The following USP6NL variants were observed in gnomAD, a reference collection of about 807,000 sequenced individuals.
USP6NL encodes USP6 N-terminal-like protein.
A neutral mutation model predicts 61.9 loss-of-function variants in USP6NL; 26 were observed. The observed-to-expected ratio is 0.42, with a 90% confidence interval of 0.31 to 0.58. USP6NL has a LOEUF of 0.58. Ranked by LOEUF, USP6NL falls within the 20% of genes least tolerant of loss-of-function variation. USP6NL has a pLI of 0.16. For synonymous variants in USP6NL, 432 were observed against 390.1 expected, an observed-to-expected ratio of 1.11 and a Z score of -1.27; for missense variants, 1,114 against 1,034.3, an observed-to-expected ratio of 1.08 and a Z score of -1.06.
intron 2 of USP6NL, among the ~76,000 whole-genome samples, chr10:11,582,527 C>T (rs763127019): frequency 6.6e-6 from 1 of 152,172 alleles, no homozygotes; most frequent in Non-Finnish European, 1.5e-5. Context: ...TCATTGACAA[C>T]TTGAAATTGT....
chr10:11,493,304 C>A, intron 7 of USP6NL, 76 bp from the exon 8 acceptor site: 1 of 1,299,648 alleles, frequency 7.7e-7, no homozygotes, highest in South Asian at 1.4e-5. Context: ...AATAATAATT[C>A]TCATTAAAAA....
intron 14 of USP6NL, among the ~76,000 whole-genome samples, chr10:11,479,440 A>C (rs1833098968): frequency 6.6e-6 from 1 of 152,352 alleles, no homozygotes; most frequent in Admixed American, 6.5e-5. Context: ...TAAACATTTT[A>C]AAATGTAACA....
In USP6NL at chr10:11,585,895, A is replaced by C. The variant is rs1377629004; in HGVS notation, c.4+11736T>G. 2.0e-5 allele frequency among the ~76,000 whole-genome samples: 3 copies of C among 152,208 alleles called. No homozygotes were observed. The highest frequency in any genetic ancestry group is 4.4e-5 in the Non-Finnish European group (3 of 68,026). The stretch of plus-strand genomic sequence containing the variant: ...ATACAAATACTGAATGATTCCACTT[A>C]CATGAGGTACCTAGAGGTCAGAGGC... On this transcript the variant is annotated intron_variant, in intron 2 of 14. Transcript: ENST00000609104. The surrounding 1 kb of genome is among the most constrained non-coding windows in gnomAD (Gnocchi z 4.5).
chr10:11,575,809 A>T lies in USP6NL; in HGVS notation c.4+21822T>A, dbSNP rs1461751942. ...ACTCTTTAAAATGCCAAAGTCATAGAAGACAAAGACAGACTGAGAAAGTGT... is the reference window on the plus strand; with the variant it reads ...ACTCTTTAAAATGCCAAAGTCATAGTAGACAAAGACAGACTGAGAAAGTGT... On this transcript the variant is annotated intron_variant, in intron 2 of 14. Transcript: ENST00000609104. This position sits in a 1 kb window ranked among gnomAD's most constrained non-coding sequence, Gnocchi z 4.2. Among the ~76,000 whole-genome samples the T allele has an allele frequency of 6.6e-6, 1 of 152,248 alleles. No homozygotes were observed. The highest frequency in any genetic ancestry group is 1.5e-5 in the Non-Finnish European group (1 of 68,040).
chr10:11,471,823 T>C (rs1286662903), intron 14 of USP6NL, among the ~76,000 whole-genome samples: 1 of 90,216 alleles, frequency 1.1e-5, no homozygotes, highest in Non-Finnish European at 2.2e-5. Context: ...CCGAGGCCTG[T>C]TGTGGGGTGG....
intron 14 of USP6NL, among the ~76,000 whole-genome samples, chr10:11,477,645 G>A (rs1236928478): frequency 6.6e-6 from 1 of 152,158 alleles, no homozygotes; most frequent in African/African-American, 2.4e-5. Flanking sequence ...AGACGTTTTG[G>A]TTAACTGCAA....
At chr10:11,514,348 G>GT (rs202247355) in intron 5 of USP6NL, among the ~76,000 whole-genome samples, 248 of 151,140 alleles carry the variant, frequency 1.6e-3, no homozygotes, top group Admixed American at 3.8e-3. Context: ...TGGTGTTTGG[G>GT]TTTTTTTTTC....
chr10:11,498,453 T>G (rs1050864060), intron 7 of USP6NL, among the ~76,000 whole-genome samples: 1 of 151,670 alleles, frequency 6.6e-6, no homozygotes, highest in Non-Finnish European at 1.5e-5. Context: ...ACAGCTTGGA[T>G]AGTAAATCCT....
rs1219702086 is a variant in USP6NL, at chr10:11,499,057, T to G, written c.384+2044A>C. 6.6e-6 allele frequency among the ~76,000 whole-genome samples: 1 copy of G among 152,202 alleles called. No individual in the cohort carries two copies. Among genetic ancestry groups the G allele is most frequent in the Non-Finnish European group, 1.5e-5 (1 of 68,024 alleles). ...AGGCCACCAGGGGAACTTGAAGGAC[T>G]GAATGCTGATAATATGCTGGGTCCA... On this transcript the variant is annotated intron_variant, in intron 7 of 14. Transcript: ENST00000609104. This position sits in a 1 kb window ranked among gnomAD's most constrained non-coding sequence, Gnocchi z 4.5.
In USP6NL at chr10:11,543,803, GT is replaced by G. The variant is rs781443038; in HGVS notation, c.5-16237del. ...TCTGGGGATCCTGAAAAATATTTAG[GT>G]TTTTTTTTTTTTTTTTTTTTTTTTT... On this transcript the variant is annotated intron_variant, in intron 2 of 14. Coordinates refer to ENST00000609104, the MANE Select transcript of USP6NL (RefSeq NM_014688.5). Among the ~76,000 whole-genome samples, 332 of 76,368 alleles carry G rather than the reference GT, an allele frequency of 4.3e-3. 1 individual carries two copies. Among genetic ancestry groups the G allele is most frequent in the African/African-American group, 0.012 (276 of 22,178 alleles). 50.1% of individuals were successfully genotyped at this position (76,368 alleles called of 152,430 possible).
chr10:11,568,318 G>C (rs902362051), intron 2 of USP6NL, among the ~76,000 whole-genome samples: 1 of 152,116 alleles, frequency 6.6e-6, no homozygotes, highest in African/African-American at 2.4e-5. Context: ...TAAGATCTTA[G>C]AGAACATCTA....
chr10:11,563,019 A>T (rs1836999090), intron 2 of USP6NL, among the ~76,000 whole-genome samples: 1 of 152,000 alleles, frequency 6.6e-6, no homozygotes, highest in African/African-American at 2.4e-5. Flanking sequence ...AAATAAAATA[A>T]ATAAAAAACT....
chr10:11,603,240 C>T (rs1838605040), intron 1 of USP6NL, among the ~76,000 whole-genome samples: 1 of 152,138 alleles, frequency 6.6e-6, no homozygotes, highest in Non-Finnish European at 1.5e-5. Flanking sequence ...TCCAGACAGA[C>T]TTATCAAATC....
intron 2 of USP6NL, among the ~76,000 whole-genome samples, chr10:11,594,791 G>T (rs1838273528): frequency 6.6e-6 from 1 of 152,182 alleles, no homozygotes; most frequent in South Asian, 2.1e-4. Context: ...AACACCCAAG[G>T]TAGTGCAATA....
At chr10:11,535,823 T>C (rs1359303971) in intron 2 of USP6NL, among the ~76,000 whole-genome samples, 2 of 152,352 alleles carry the variant, frequency 1.3e-5, no homozygotes, top group South Asian at 2.1e-4. Flanking sequence ...TTTTTAAATG[T>C]TGAAATCTTA....
intron 8 of USP6NL, among the ~76,000 whole-genome samples, chr10:11,492,061 CCA>C (rs773220792): frequency 1.3e-5 from 2 of 152,152 alleles, no homozygotes; most frequent in Non-Finnish European, 2.9e-5. Flanking sequence ...CAGCTTTATA[CCA>C]CAGTGTGTAA....
In USP6NL at chr10:11,478,129, T is replaced by C. The variant is rs565193616; in HGVS notation, c.1078+3641A>G. Reference sequence around the variant, plus strand: ...CCAGTTAGAAAGAAATGGAAGAAAATCTTCAACTTGCAATAGCAATAAAAG... The same window carrying C: ...CCAGTTAGAAAGAAATGGAAGAAAACCTTCAACTTGCAATAGCAATAAAAG... On this transcript the variant is annotated intron_variant, in intron 14 of 14. Transcript: ENST00000609104. This position sits in a 1 kb window ranked among gnomAD's most constrained non-coding sequence, Gnocchi z 6.8. Among the ~76,000 whole-genome samples the C allele has an allele frequency of 2.0e-5, 3 of 152,154 alleles. No individual in the cohort carries two copies. In the South Asian group the frequency reaches 6.2e-4, roughly 32 times the overall value.
At chr10:11,590,119 G>T (rs1838112945) in intron 2 of USP6NL, among the ~76,000 whole-genome samples, 1 of 152,198 alleles carries the variant, frequency 6.6e-6, no homozygotes, top group Admixed American at 6.5e-5. Flanking sequence ...CTTAAAAGTA[G>T]GAGTGGGAGA....
intron 2 of USP6NL, among the ~76,000 whole-genome samples, chr10:11,593,653 C>T (rs1038850941): frequency 3.3e-5 from 5 of 152,154 alleles, no homozygotes; most frequent in African/African-American, 7.2e-5. Context: ...TCATACAGTA[C>T]GTTTTCCACA....
Sources: allele counts gnomAD v4.1 joint callset (sites outside exome capture counted in the v4.1 genomes callset), GRCh38; gene constraint gnomAD v4.1.1; non-coding constraint Gnocchi (gnomAD v3.1); transcripts MANE v1.5; gene names NCBI Gene and HGNC (gene_info 2026-07-23, HGNC 2026-07-21).